The following FTO variants were observed in gnomAD, a reference collection of about 807,000 sequenced individuals.
FTO encodes alpha-ketoglutarate-dependent dioxygenase FTO.
A neutral mutation model predicts 63.9 loss-of-function variants in FTO; 47 were observed. The observed-to-expected ratio is 0.74, with a 90% CI of 0.58 to 0.94. The LOEUF (loss-of-function observed/expected upper bound fraction) is 0.94, where lower values mean the gene tolerates loss of function less well. Among genes scored for constraint, FTO ranks in the 40% least tolerant of loss-of-function variants. The pLI, the probability that FTO is intolerant of heterozygous loss-of-function variation, is 0.00. For synonymous variants in FTO, 207 were observed against 224.4 expected (o/e 0.92, Z 0.69); for missense variants, 562 against 618.1 (o/e 0.91, Z 0.96).
At chr16:53,959,628 C>T (rs1224433997) in intron 8 of FTO, among the ~76,000 whole-genome samples, 1 of 151,870 alleles carries the variant, frequency 6.6e-6, no homozygotes, top group African/African-American at 2.4e-5. Flanking sequence ...TCATTTAATC[C>T]ACACAACAAC....
intron 3 of FTO, among the ~76,000 whole-genome samples, chr16:53,834,928 A>T (rs1266465218): frequency 2.0e-5 from 3 of 152,096 alleles, no homozygotes; most frequent in Non-Finnish European, 4.4e-5. Context: ...TTATAGATTT[A>T]CTGTAATTTT....
chr16:53,716,998 CTTT>C (rs561885213), intron 1 of FTO, among the ~76,000 whole-genome samples: 2 of 150,764 alleles, frequency 1.3e-5, no homozygotes, highest in Non-Finnish European at 3.0e-5. Flanking sequence ...TTTTACTCTG[CTTT>C]TTTTTACCAT....
At chr16:54,080,912 G>A (rs16953002) in intron 8 of FTO, among the ~76,000 whole-genome samples, 28,197 of 151,988 alleles carry the variant, frequency 0.19, 2,815 homozygotes, top group East Asian at 0.31. Flanking sequence ...AGAACAGCTC[G>A]TGCTTGGAGG....
At chr16:53,825,201 G>C (rs995594285) in intron 2 of FTO, among the ~76,000 whole-genome samples, 1 of 152,142 alleles carries the variant, frequency 6.6e-6, no homozygotes, top group Admixed American at 6.5e-5. Context: ...TCTAACTCCT[G>C]AAGAGAAGTG....
At chr16:53,954,491 T>G (rs1290446775) in intron 8 of FTO, among the ~76,000 whole-genome samples, 6 of 152,116 alleles carry the variant, frequency 3.9e-5, no homozygotes. Context: ...TCATTAAACA[T>G]ATACCAATCA....
At chr16:54,110,796 C>T (rs1480442545) in intron 8 of FTO, among the ~76,000 whole-genome samples, 1 of 152,176 alleles carries the variant, frequency 6.6e-6, no homozygotes, top group East Asian at 1.9e-4. Flanking sequence ...CCCAAGTGTC[C>T]TCATAGTGTT....
At chr16:53,979,755 C>A (rs1435086621) in intron 8 of FTO, among the ~76,000 whole-genome samples, 2 of 152,196 alleles carry the variant, frequency 1.3e-5, no homozygotes, top group African/African-American at 4.8e-5. Flanking sequence ...CTCTGTACAT[C>A]TCACATGACT....
At chr16:53,832,435 G>T (rs1167333374) in intron 3 of FTO, among the ~76,000 whole-genome samples, 3 of 151,586 alleles carry the variant, frequency 2.0e-5, no homozygotes, top group African/African-American at 4.8e-5. Context: ...TTTTTTATTT[G>T]TTTGTAGAGA....
At chr16:53,759,225 CAG>C (rs1393541918) in intron 1 of FTO, among the ~76,000 whole-genome samples, 1 of 152,002 alleles carries the variant, frequency 6.6e-6, no homozygotes, top group African/African-American at 2.4e-5. Context: ...AAATTTTCAA[CAG>C]AAGTATTAGA....
At chr16:53,841,671 C>T (rs1303317532) in intron 3 of FTO, among the ~76,000 whole-genome samples, 1 of 152,182 alleles carries the variant, frequency 6.6e-6, no homozygotes, top group Non-Finnish European at 1.5e-5. Context: ...GACCCTTCTG[C>T]ACATTTGGCG....
chr16:53,896,444 AAAT>A (rs1567410619), intron 7 of FTO, among the ~76,000 whole-genome samples: 2 of 152,202 alleles, frequency 1.3e-5, no homozygotes, highest in East Asian at 3.9e-4. Flanking sequence ...GTAGTGTACA[AAAT>A]AATAATAATA....
At chr16:53,712,522 TAC>T (rs773790202) in intron 1 of FTO, among the ~76,000 whole-genome samples, 10 of 152,348 alleles carry the variant, frequency 6.6e-5, no homozygotes, top group Admixed American at 1.3e-4. Context: ...TTTAATACTG[TAC>T]CTTACTTGAA....
chr16:54,096,239 G>A (rs2086514171), intron 8 of FTO, among the ~76,000 whole-genome samples: 1 of 152,210 alleles, frequency 6.6e-6, no homozygotes, highest in Admixed American at 6.5e-5. Context: ...GTGGGACAAA[G>A]CAATGTTAGT....
intron 4 of FTO, among the ~76,000 whole-genome samples, 186 bp from the exon 5 acceptor site, chr16:53,873,600 A>T (rs994233946): frequency 4.6e-5 from 7 of 151,198 alleles, no homozygotes; most frequent in African/African-American, 1.7e-4. Context: ...ATAATGGAAT[A>T]TATATATATG....
intron 1 of FTO, among the ~76,000 whole-genome samples, chr16:53,736,490 A>T (rs532532273): frequency 6.6e-6 from 1 of 151,886 alleles, no homozygotes; most frequent in East Asian, 1.9e-4. Flanking sequence ...AAGTCTTTCA[A>T]TCTGTCAGCA....
intron 1 of FTO, among the ~76,000 whole-genome samples, chr16:53,726,827 T>A (rs1279807876): frequency 4.6e-5 from 7 of 152,206 alleles, no homozygotes; most frequent in Admixed American, 3.3e-4. Flanking sequence ...GTGCAGCAGT[T>A]GGAGCAGGTT....
chr16:53,953,951 C>T (rs2082861545), intron 8 of FTO, among the ~76,000 whole-genome samples: 1 of 152,204 alleles, frequency 6.6e-6, no homozygotes, highest in Non-Finnish European at 1.5e-5. Flanking sequence ...GTAAAATACG[C>T]TTCGGAAGCT....
chr16:53,870,681 T>G (rs1462398141), intron 4 of FTO, among the ~76,000 whole-genome samples: 2 of 152,240 alleles, frequency 1.3e-5, no homozygotes, highest in Non-Finnish European at 2.9e-5. Flanking sequence ...GTGTTTTACG[T>G]CTGCATATGT....
intron 6 of FTO, among the ~76,000 whole-genome samples, chr16:53,888,439 C>CCAATTTATT (rs2081064265): frequency 1.6e-5 from 1 of 63,656 alleles, no homozygotes; most frequent in Non-Finnish European, 3.5e-5. Flanking sequence ...TTATTAGTAG[C>CCAATTTATT]TTGGCCAATT....
Sources: allele counts gnomAD v4.1 joint callset (sites outside exome capture counted in the v4.1 genomes callset), GRCh38; gene constraint gnomAD v4.1.1; transcripts MANE v1.5; gene names NCBI Gene and HGNC (gene_info 2026-07-23, HGNC 2026-07-21).